The following VWA8 variants were observed in gnomAD, a reference collection of about 807,000 sequenced individuals.
VWA8 encodes the protein von Willebrand factor A domain containing 8.
VWA8 carries 221 observed loss-of-function variants against 241.5 expected under a neutral mutation model. The observed-to-expected ratio is 0.91, with a 90% confidence interval of 0.82 to 1.02. The LOEUF (loss-of-function observed/expected upper bound fraction) is 1.02. Ranked by LOEUF, VWA8 falls within the 50% of genes least tolerant of loss-of-function variation. The pLI is 0.00. For synonymous variants in VWA8, 852 were observed against 827.1 expected, an observed-to-expected ratio of 1.03 and a Z score of -0.52; for missense variants, 2,322 against 2,328.7, an observed-to-expected ratio of 1.00 and a Z score of 0.06.
chr13:41,870,555 C>T (rs1420848264), intron 9 of VWA8, among the ~76,000 whole-genome samples: 1 of 150,242 alleles, frequency 6.7e-6, no homozygotes, highest in Non-Finnish European at 1.5e-5. Flanking sequence ...AGGAGAATCG[C>T]TTGAACCCAG....
chr13:41,715,927 C>T (rs565377806), intron 26 of VWA8, among the ~76,000 whole-genome samples: 1 of 152,084 alleles, frequency 6.6e-6, no homozygotes, highest in South Asian at 2.1e-4. Flanking sequence ...ACAGTTGTTT[C>T]TCTATAGGAC....
At chr13:41,798,588 T>A (rs1375967321) in intron 17 of VWA8, among the ~76,000 whole-genome samples, 2 of 152,230 alleles carry the variant, frequency 1.3e-5, no homozygotes, top group Non-Finnish European at 2.9e-5. Context: ...CTGTGCAGTA[T>A]CATCACAATG....
chr13:41,834,278 C>T (rs368940642), intron 12 of VWA8, among the ~76,000 whole-genome samples: 1 of 152,146 alleles, frequency 6.6e-6, no homozygotes, highest in Non-Finnish European at 1.5e-5. Context: ...ACAATTTTTT[C>T]TTACATGTGC....
At chr13:41,931,969 A>T (rs1877146174) in intron 2 of VWA8, among the ~76,000 whole-genome samples, 1 of 152,136 alleles carries the variant, frequency 6.6e-6, no homozygotes, top group South Asian at 2.1e-4. Flanking sequence ...TAGCTTAAAA[A>T]TCAATGCAAT....
intron 2 of VWA8, among the ~76,000 whole-genome samples, chr13:41,921,168 A>G (rs1236049629): frequency 6.6e-6 from 1 of 152,242 alleles, no homozygotes; most frequent in Non-Finnish European, 1.5e-5. Flanking sequence ...GCACATAAAC[A>G]CAACCAAAGA....
intron 9 of VWA8, 133 bp from the exon 10 acceptor site, chr13:41,868,610 G>A (rs1873426221): frequency 1.7e-6 from 2 of 1,155,726 alleles, no homozygotes; most frequent in Non-Finnish European, 2.3e-6. Flanking sequence ...TTAGGCCAAG[G>A]GCGGTGGCTC....
chr13:41,903,407 G>T (rs1242693629), intron 4 of VWA8, among the ~76,000 whole-genome samples: 1 of 152,114 alleles, frequency 6.6e-6, no homozygotes, highest in Non-Finnish European at 1.5e-5. Context: ...TTATATTCTA[G>T]CGGGGGAGGA....
At chr13:41,812,365 A>G (rs1870509101) in intron 16 of VWA8, among the ~76,000 whole-genome samples, 1 of 152,160 alleles carries the variant, frequency 6.6e-6, no homozygotes, top group African/African-American at 2.4e-5. Context: ...AGTGATTATC[A>G]CTGAAAACCA....
At chr13:41,651,892 G>C (rs1016283525) in intron 37 of VWA8, among the ~76,000 whole-genome samples, 1 of 152,172 alleles carries the variant, frequency 6.6e-6, no homozygotes, top group Non-Finnish European at 1.5e-5. Context: ...CTCCACCCTG[G>C]TGTGAGAAAA....
At chr13:41,722,137 A>ATCACT (rs2045397989) in intron 24 of VWA8, among the ~76,000 whole-genome samples, 1 of 152,194 alleles carries the variant, frequency 6.6e-6, no homozygotes, top group South Asian at 2.1e-4. Context: ...AAAAGGGAGA[A>ATCACT]TTAGTAGCAT....
intron 26 of VWA8, among the ~76,000 whole-genome samples, chr13:41,712,969 T>A (rs2045327829): frequency 6.6e-6 from 1 of 152,242 alleles, no homozygotes; most frequent in South Asian, 2.1e-4. Context: ...TCACTTGATA[T>A]GTTTATGTTG....
intron 42 of VWA8, among the ~76,000 whole-genome samples, chr13:41,583,501 G>A (rs2044396931): frequency 6.6e-6 from 1 of 151,872 alleles, no homozygotes; most frequent in Non-Finnish European, 1.5e-5. Context: ...AAATTAGCCG[G>A]GCGTGGTGGC....
chr13:41,619,793 A>G (rs2044645112), intron 37 of VWA8, among the ~76,000 whole-genome samples: 2 of 151,610 alleles, frequency 1.3e-5, no homozygotes, highest in South Asian at 4.2e-4. Flanking sequence ...CGTATGTTGA[A>G]CCAGCCTTGC....
chr13:41,937,859 A>G (rs1280617989), intron 2 of VWA8, among the ~76,000 whole-genome samples: 1 of 152,204 alleles, frequency 6.6e-6, no homozygotes, highest in Admixed American at 6.5e-5. Flanking sequence ...TTAAGCAGAA[A>G]ATAAAAAGTA....
At chr13:41,904,445 C>G (rs2138102632) in intron 4 of VWA8, among the ~76,000 whole-genome samples, 1 of 152,224 alleles carries the variant, frequency 6.6e-6, no homozygotes, top group South Asian at 2.1e-4. Flanking sequence ...CTTCTAATCC[C>G]TTTACCCAGC....
At chr13:41,657,537 C>T (rs985415400) in intron 37 of VWA8, among the ~76,000 whole-genome samples, 2 of 147,766 alleles carry the variant, frequency 1.4e-5, no homozygotes, top group East Asian at 2.0e-4. Flanking sequence ...GGCCGGACTG[C>T]GGACTGCAGT....
In VWA8 at chr13:41,680,392, C is replaced by T. The variant is rs191354743; in HGVS notation, c.4327+4655G>A. On this transcript the variant is annotated intron_variant, in intron 35 of 44. Coordinates refer to ENST00000379310, the MANE Select transcript of VWA8 (RefSeq NM_015058.2). ...CCCTGGGATCTTCCTTCACCATGCT[C>T]ATAGGGATTTTCATTCTTTCTCTCT... Among the ~76,000 whole-genome samples, 498 of 152,266 alleles carry T rather than the reference C, an allele frequency of 3.3e-3. 1 individual carries two copies. Among genetic ancestry groups the T allele is most frequent in the Non-Finnish European group, 5.7e-3 (386 of 68,022 alleles).
intron 4 of VWA8, among the ~76,000 whole-genome samples, chr13:41,905,548 CAT>C (rs1345908358): frequency 6.6e-6 from 1 of 151,988 alleles, no homozygotes; most frequent in Non-Finnish European, 1.5e-5. Flanking sequence ...AAAAGACAAA[CAT>C]AAAAATGGCT....
At chr13:41,572,366 A>C (rs1593622244) in intron 43 of VWA8, among the ~76,000 whole-genome samples, 1 of 152,154 alleles carries the variant, frequency 6.6e-6, no homozygotes. Context: ...GAAAAGGGGG[A>C]AATGTGGGGA....
Sources: gnomAD v4.1 joint callset for allele counts (sites outside exome capture counted in the v4.1 genomes callset) on GRCh38, gnomAD v4.1.1 for gene constraint, MANE v1.5 for transcripts, NCBI Gene and HGNC (gene_info 2026-07-23, HGNC 2026-07-21) for gene names.